Variants in C7 observed in about 807,000 individuals in gnomAD.
The protein encoded by C7 is complement component C7.
In C7, 83 loss-of-function variants were observed where a neutral mutation model predicts 104.8. The ratio of observed to expected loss-of-function variants is 0.79; its 90% CI spans 0.66 to 0.95. The LOEUF (loss-of-function observed/expected upper bound fraction) is 0.95. C7 is among the 40% of genes least tolerant of loss of function. C7 has a pLI of 0.00. For synonymous variants in C7, 415 were observed against 360.6 expected (o/e 1.15, Z -1.71); for missense variants, 1,070 against 1,011.2 (o/e 1.06, Z -0.79).
Position 40,965,503 on chromosome 5 carries a change from G to C in C7, c.1882+630G>C, listed in dbSNP as rs187150603. Among the ~76,000 whole-genome samples the C allele has an allele frequency of 2.6e-5, 4 of 152,212 alleles. No homozygotes were observed. The East Asian group carries it at 7.7e-4, about 29-fold the overall frequency. On this transcript the variant is annotated intron_variant, in intron 14 of 17. Coordinates refer to ENST00000313164, the MANE Select transcript of C7 (RefSeq NM_000587.4). ...TTGGGTATACATACATTTAGATTTA[G>C]TGGAGGCTGCCAGCCTTCCAAGTGG...
chr5:40,934,794 C>T (rs968592977), intron 4 of C7, among the ~76,000 whole-genome samples: 5 of 152,142 alleles, frequency 3.3e-5, no homozygotes, highest in South Asian at 2.1e-4. Context: ...TGAGATTAGA[C>T]GAAAACAATG....
In C7 at chr5:40,981,575, C is replaced by T. The variant is rs1488949520; in HGVS notation, c.*2C>T. 4.4e-6 allele frequency: 7 copies of T among 1,600,776 alleles called. No homozygotes were observed. Among genetic ancestry groups the T allele is most frequent in the African/African-American group, 1.3e-5 (1 of 74,634 alleles). ...CCTTGTGCTGCGGAAACCCAGTAGGCTCCTGGAGGCCCTGGTCAGCTTGCT... is the reference window on the plus strand; with the variant it reads ...CCTTGTGCTGCGGAAACCCAGTAGGTTCCTGGAGGCCCTGGTCAGCTTGCT... On this transcript the variant is annotated 3_prime_UTR_variant, in exon 18 of 18. Transcript: ENST00000313164.
At position 40,963,029 on chromosome 5, in the gene C7, C is replaced by T. The variant is rs142230965; in HGVS notation, c.1749+857C>T. Among the ~76,000 whole-genome samples, 216 of 152,222 alleles carry T rather than the reference C, an allele frequency of 1.4e-3. 1 individual carries two copies. The highest frequency in any genetic ancestry group is 5.0e-3 in the African/African-American group (206 of 41,530). On this transcript the variant is annotated intron_variant, in intron 13 of 17. Coordinates refer to ENST00000313164, the MANE Select transcript of C7 (RefSeq NM_000587.4). ...AAAATCAACCTAGCATCTCTACCAC[C>T]CATTCTGTCCTACCACAGCCACCGT...
intron 9 of C7, among the ~76,000 whole-genome samples, chr5:40,954,151 G>T (rs1339219940): frequency 2.0e-5 from 3 of 152,110 alleles, no homozygotes; most frequent in African/African-American, 4.8e-5. Context: ...TTAAGTAATA[G>T]ATTCCTGTTA....
In C7 at chr5:40,959,501, A is replaced by G. The variant is rs189122703; in HGVS notation, c.1542A>G (p.Gln514=). ...SCWSSWSPCV[Q]GKKTRSRECN... ...GGTCCTCTTGGAGCCCCTGTGTCCA[A>G]GGGAAGAAAACAAGAAGCCGTGAAT... Residue 514 remains glutamine (Q), a synonymous_variant, in exon 12 of 18, where the codon CAA becomes CAG. Coordinates refer to ENST00000313164, the MANE Select transcript of C7 (RefSeq NM_000587.4). 3.0e-4 allele frequency: 477 copies of G among 1,611,518 alleles called. 4 individuals are homozygous for G. In the African/African-American group the frequency reaches 3.9e-3, roughly 13 times the overall value.
intron 14 of C7, among the ~76,000 whole-genome samples, chr5:40,971,123 A>G (rs988878207): frequency 1.3e-5 from 2 of 152,158 alleles, no homozygotes; most frequent in African/African-American, 4.8e-5. Flanking sequence ...GCTGGGTCAA[A>G]TGGTATTTCT....
At chr5:40,967,424 A>G (rs1740581211) in intron 14 of C7, 1 of 151,790 alleles carries the variant, frequency 6.6e-6, no homozygotes. Flanking sequence ...TTATTTATTT[A>G]TTTATTTATT....
intron 2 of C7, among the ~76,000 whole-genome samples, chr5:40,930,010 GCCATAAAACATATTTACATATGTTTTCA>G (rs771414750): frequency 2.0e-5 from 3 of 151,806 alleles, no homozygotes; most frequent in Non-Finnish European, 4.4e-5. Context: ...CCTTTCAAAG[GCCATAAAACATATTTACATATGTTTTCA>G]CCTACCCTCT....
intron 14 of C7, among the ~76,000 whole-genome samples, chr5:40,968,600 ATTTTTTTTTTTTTTTTTT>A (rs70988826): frequency 2.7e-4 from 7 of 25,478 alleles, no homozygotes; most frequent in South Asian, 1.2e-3. Context: ...ATATATATAT[ATTTTTTTTTTTTTTTTTT>A]TTTTTTTTTT....
At chr5:40,975,301 G>A (rs972982108) in intron 15 of C7, among the ~76,000 whole-genome samples, 17 of 150,260 alleles carry the variant, frequency 1.1e-4, no homozygotes, top group Admixed American at 7.9e-4. Flanking sequence ...TCTCTTTTAT[G>A]TTCTAGGGTC....
chr5:40,936,575 TC>T, intron 5 of C7, 90 bp downstream of exon 5: 1 of 1,216,140 alleles, frequency 8.2e-7, no homozygotes, highest in East Asian at 2.5e-5. Context: ...TACGAACAAG[TC>T]TTCTAATAGG....
chr5:40,955,137 G>T (rs192743900), intron 9 of C7, among the ~76,000 whole-genome samples: 5 of 152,208 alleles, frequency 3.3e-5, no homozygotes, highest in Admixed American at 3.3e-4. Context: ...GTTCACTCTT[G>T]ATATTGAACA....
At chr5:40,942,662 A>G (rs1739964160) in intron 6 of C7, among the ~76,000 whole-genome samples, 1 of 152,140 alleles carries the variant, frequency 6.6e-6, no homozygotes, top group South Asian at 2.1e-4. Context: ...AACTGACTAG[A>G]GAAATAAAGT....
chr5:40,947,944 A>G (rs1255097857), intron 8 of C7, 99 bp downstream of exon 8: 8 of 1,230,092 alleles, frequency 6.5e-6, no homozygotes, highest in Non-Finnish European at 7.0e-6. Context: ...AAAATTTGAC[A>G]AACAGAAATT....
chr5:40,965,405 A>G (rs1740521048), intron 14 of C7, among the ~76,000 whole-genome samples: 1 of 152,124 alleles, frequency 6.6e-6, no homozygotes, highest in African/African-American at 2.4e-5. Flanking sequence ...GTGTACACAC[A>G]CACACATACA....
chr5:40,981,581 G>A lies in C7; in HGVS notation c.*8G>A. 6.2e-7 allele frequency: 1 copy of A among 1,600,626 alleles called. No homozygotes were observed. The highest frequency in any genetic ancestry group is 8.5e-7 in the Non-Finnish European group (1 of 1,170,482). On this transcript the variant is annotated 3_prime_UTR_variant, in exon 18 of 18. Transcript: ENST00000313164. The stretch of plus-strand genomic sequence containing the variant: ...GCTGCGGAAACCCAGTAGGCTCCTG[G>A]AGGCCCTGGTCAGCTTGCTTGGAAT...
chr5:40,958,923 G>A (rs565718289), intron 11 of C7, among the ~76,000 whole-genome samples: 26 of 152,154 alleles, frequency 1.7e-4, no homozygotes, highest in African/African-American at 4.3e-4. Context: ...CTAAATGAAC[G>A]ATAAATGAAT....
chr5:40,945,872 ATACATATATATATAT>A (rs1340727911), intron 7 of C7, among the ~76,000 whole-genome samples: 2 of 59,422 alleles, frequency 3.4e-5, no homozygotes, highest in African/African-American at 1.3e-4. Flanking sequence ...TCAAAAAAAA[ATACATATATATATAT>A]ATATATATAT....
intron 14 of C7, among the ~76,000 whole-genome samples, chr5:40,968,598 ATATTTTTTTTTTTTTTTTTTTTTT>A (rs1740622156): frequency 1.0e-3 from 22 of 22,054 alleles, no homozygotes; most frequent in Non-Finnish European, 1.7e-3. Context: ...ATATATATAT[ATATTTTTTTTTTTTTTTTTTTTTT>A]TTTTTTTGAG....
Sources: allele counts gnomAD v4.1 joint callset (sites outside exome capture counted in the v4.1 genomes callset), GRCh38; gene constraint gnomAD v4.1.1; transcripts MANE v1.5; gene names NCBI Gene and HGNC (gene_info 2026-07-23, HGNC 2026-07-21).